TTN: variants seen among roughly 807,000 people sequenced by gnomAD.
TTN encodes connectin.
A neutral mutation model predicts 3,223.0 loss-of-function variants in TTN; 1,525 were observed. The ratio of observed to expected loss-of-function variants is 0.47; its 90% CI spans 0.45 to 0.49. The LOEUF (loss-of-function observed/expected upper bound fraction) is 0.49. TTN is among the 20% of genes least tolerant of loss of function. The pLI is 0.00. For missense variants in TTN, 40,786 were observed against 43,424.0 expected (o/e 0.94, Z 5.40); for synonymous variants, 14,094 against 15,161.0 (o/e 0.93, Z 5.17).
At chr2:178,745,604 G>T (rs142409197) in intron 47 of TTN, 1 of 1,612,600 alleles carries the variant, frequency 6.2e-7, no homozygotes, top group African/African-American at 1.3e-5. Context: ...GGTGAGTGCT[G>T]CAAAGCTCTC....
rs560562125 is a variant in TTN, at chr2:178,715,635, G to T, written c.25779C>A (p.Ser8593Arg). 6.2e-7 allele frequency: 1 copy of T among 1,613,462 alleles called. No homozygotes were observed. Among genetic ancestry groups the T allele is most frequent in the South Asian group, 1.1e-5 (1 of 91,036 alleles). The change falls in exon 89 of 363, where the codon AGC (serine) becomes AGA (arginine). Residue 8593 changes from serine to arginine, a missense_variant. Coordinates refer to ENST00000589042, the MANE Select transcript of TTN (RefSeq NM_001267550.2). ...CAACGAATGACATTCTGAATTTACT[G>T]CTCTCTTGAATTTCAGTCTCGTCCT... The part of the protein sequence containing the change: ...WYKDETEIQE[S>R]SKFRMSFVDS...
rs938020572 is a variant in TTN, at chr2:178,734,567, A to G, written c.15257T>C (p.Ile5086Thr). The change falls in exon 52 of 363, where the codon ATA (isoleucine) becomes ACA (threonine). Residue 5086 changes from isoleucine (I) to threonine (T), a missense_variant. Coordinates refer to ENST00000589042, the MANE Select transcript of TTN (RefSeq NM_001267550.2). ...SFIKTLEPADIVRGTNALLQC... is the reference protein window; with the variant it reads ...SFIKTLEPADTVRGTNALLQC... ...AAGTAGAGCATTTGTTCCTCTCACT[A>G]TGTCTGCAGGCTCAAGAGTTTTGAT... The G allele has an allele frequency of 1.3e-6, 2 of 1,594,558 alleles. No homozygotes were observed. Among genetic ancestry groups the G allele is most frequent in the Non-Finnish European group, 1.7e-6 (2 of 1,169,200 alleles).
In TTN at chr2:178,580,313, T is replaced by C. The variant is rs539161527; in HGVS notation, c.67057+9A>G. 49 of 1,609,862 alleles carry C rather than the reference T, an allele frequency of 3.0e-5. No individual in the cohort carries two copies. The East Asian group carries it at 1.1e-3, about 36-fold the overall frequency. On this transcript the variant is annotated intron_variant, in intron 317 of 362. Coordinates refer to ENST00000589042, the MANE Select transcript of TTN (RefSeq NM_001267550.2). ...AAATATATATGATTCTTTTTTGAAA[T>C]AGACTTACCAAGCACTTTCACAACA...
At chr2:178,543,804 T>G (rs761311320) in intron 346 of TTN, 30 bp downstream of exon 346, 1 of 1,609,732 alleles carries the variant, frequency 6.2e-7, no homozygotes, top group Admixed American at 1.7e-5. Flanking sequence ...ATCTACTCAT[T>G]GTATAGCCAA....
At position 178,560,337 on chromosome 2, in the gene TTN, G is replaced by T. The variant is rs755081931; in HGVS notation, c.85795C>A (p.Arg28599Ser). ...RREKNSLRWV[R>S]VNKKPVYDLR... ...TCATAAACTGGTTTTTTGTTTACAC[G>T]CACCCATCTTAGGCTATTTTTCTCT... The change falls in exon 326 of 363, where the codon CGT (arginine) becomes AGT (serine). Residue 28599 changes from arginine (R) to serine (S), a missense_variant. Arg to Ser is a moderately radical substitution (Grantham distance 110). Coordinates refer to ENST00000589042, the MANE Select transcript of TTN (RefSeq NM_001267550.2). The T allele has an allele frequency of 4.3e-6, 7 of 1,613,610 alleles. No homozygotes were observed. Among genetic ancestry groups the T allele is most frequent in the Non-Finnish European group, 5.9e-6 (7 of 1,179,756 alleles).
rs1220592626 is a variant in TTN, at chr2:178,544,123, G to T, written c.96029-8C>A. Reference sequence around the variant, plus strand: ...GCTCAAGATCTGGTATTTCTGGAAAGTTAATGACAAAATTTAATTAATTCA... The same window carrying T: ...GCTCAAGATCTGGTATTTCTGGAAATTTAATGACAAAATTTAATTAATTCA... On this transcript the variant is annotated splice_polypyrimidine_tract_variant and splice_region_variant and intron_variant, in intron 345 of 362. Transcript: ENST00000589042. 2.5e-6 allele frequency: 4 copies of T among 1,602,944 alleles called. No individual in the cohort carries two copies. In the South Asian group the frequency reaches 3.3e-5, roughly 13 times the overall value.
chr2:178,642,460 T>A (rs2061367480), intron 218 of TTN, 143 bp from the exon 219 acceptor site: 1 of 675,208 alleles, frequency 1.5e-6, no homozygotes, highest in African/African-American at 1.9e-5. Flanking sequence ...AGAATTTAAG[T>A]TTAAATGATA....
chr2:178,556,764 T>C (rs901713125), intron 330 of TTN, 84 bp downstream of exon 330: 11 of 1,487,852 alleles, frequency 7.4e-6, no homozygotes, highest in South Asian at 2.4e-5. Flanking sequence ...GTAAAAGTTA[T>C]TCTATAGGAT....
intron 9 of TTN, 103 bp downstream of exon 9, chr2:178,793,301 C>A (rs1172066758): frequency 3.3e-6 from 5 of 1,496,700 alleles, no homozygotes; most frequent in Non-Finnish European, 3.6e-6. Context: ...AGTATGCTAA[C>A]AACCATGTGG....
At position 178,535,540 on chromosome 2, in the gene TTN, G is replaced by C. The variant is rs755832382; in HGVS notation, c.101075C>G (p.Pro33692Arg). ...VELDVADVPD[P>R]PRGVKVSDVS... ...ATCACTAACTTTGACTCCTCTGGGTGGGTCAGGAACATCAGCCACATCCAG... is the reference window on the plus strand; with the variant it reads ...ATCACTAACTTTGACTCCTCTGGGTCGGTCAGGAACATCAGCCACATCCAG... The change falls in exon 358 of 363, where the codon CCA (proline) becomes CGA (arginine). Residue 33692 changes from proline to arginine, a missense_variant. Physicochemically the swap from Pro to Arg is moderately radical, Grantham distance 103. Coordinates refer to ENST00000589042, the MANE Select transcript of TTN (RefSeq NM_001267550.2). 1 of 1,613,828 alleles carries C rather than the reference G, an allele frequency of 6.2e-7. No homozygotes were observed. Among genetic ancestry groups the C allele is most frequent in the Middle Eastern group, 1.7e-4 (1 of 6,060 alleles).
At chr2:178,678,682 C>A in intron 143 of TTN, 65 bp downstream of exon 143, 1 of 1,459,372 alleles carries the variant, frequency 6.9e-7, no homozygotes, top group Non-Finnish European at 9.4e-7. Flanking sequence ...CAGAATTAAA[C>A]CAATTAATTT....
At chr2:178,637,161 A>C (rs1241109854) in intron 224 of TTN, among the ~76,000 whole-genome samples, 4 of 109,116 alleles carry the variant, frequency 3.7e-5, no homozygotes, top group African/African-American at 1.8e-4. Context: ...ATATATATAT[A>C]TATATATATA....
In TTN at chr2:178,531,060, G is replaced by A. The variant is rs2154133198; in HGVS notation, c.105555C>T (p.Thr35185=). 6.2e-7 allele frequency: 1 copy of A among 1,613,990 alleles called. No homozygotes were observed. Among genetic ancestry groups the A allele is most frequent in the Non-Finnish European group, 8.5e-7 (1 of 1,179,886 alleles). ...HQVTTTKYKS[T]FEISSVQASD... is the part of the protein sequence containing the mutation. ...AAGCCTGGACTGAAGAGATCTCAAA[G>A]GTTGATTTGTACTTTGTGGTGGTCA... Residue 35185 remains threonine (T), a synonymous_variant, in exon 358 of 363, where the codon ACC becomes ACT. Coordinates refer to ENST00000589042, the MANE Select transcript of TTN (RefSeq NM_001267550.2).
chr2:178,680,035 G>A lies in TTN; in HGVS notation c.33439C>T (p.Leu11147Phe), dbSNP rs2154270126. ...PVRVPEVPKE[L>F]EPEEVAFEEE... ...TCAAAGGCAACCTCTTCTGGTTCAA[G>A]TTCTTTAGGCACTTCTGGCACTTTA... Residue 11147 changes from leucine to phenylalanine, a missense_variant, in exon 140 of 363, where the codon CTT becomes TTT. Coordinates refer to ENST00000589042, the MANE Select transcript of TTN (RefSeq NM_001267550.2). 1.2e-6 allele frequency: 2 copies of A among 1,613,050 alleles called. No homozygotes were observed. The highest frequency in any genetic ancestry group is 1.7e-6 in the Non-Finnish European group (2 of 1,179,362).
chr2:178,587,469 A>G (rs1450223908), intron 306 of TTN, 47 bp downstream of exon 306: 2 of 1,603,096 alleles, frequency 1.2e-6, no homozygotes. Flanking sequence ...ATCCCTATTA[A>G]CAAATTCATT....
chr2:178,619,320 A>G (rs566606644), intron 250 of TTN: 9 of 456,276 alleles, frequency 2.0e-5, no homozygotes, highest in Admixed American at 8.2e-5. Flanking sequence ...GTAGGAGAGT[A>G]TAAGACCGTC....
chr2:178,715,114 A>G lies in TTN; in HGVS notation c.26072T>C (p.Ile8691Thr). Residue 8691 changes from isoleucine to threonine, a missense_variant, in exon 90 of 363, where the codon ATA (isoleucine) becomes ACA (threonine). Ile to Thr is a moderately conservative substitution (Grantham distance 89). Coordinates refer to ENST00000589042, the MANE Select transcript of TTN (RefSeq NM_001267550.2). Reference protein sequence around the residue: ...RELRSGKKYKIMSENFLTSIH... With the variant: ...RELRSGKKYKTMSENFLTSIH... ...ACTGGTTAGGAAGTTCTCAGACATT[A>G]TCTTGTACTTCTTGCCGCTCCTAAG... 1.9e-6 allele frequency: 3 copies of G among 1,613,760 alleles called. No homozygotes were observed. The highest frequency in any genetic ancestry group is 2.5e-6 in the Non-Finnish European group (3 of 1,179,726).
rs759893392 is a variant in TTN, at chr2:178,594,197, C to T, written c.58196G>A (p.Arg19399Gln). The T allele has an allele frequency of 3.8e-5, 62 of 1,613,170 alleles. No individual in the cohort carries two copies. The highest frequency in any genetic ancestry group is 4.7e-5 in the Non-Finnish European group (55 of 1,179,618). ...HLDFRDKLTI[R>Q]VGEAFALTGR... ...AGTGAGGGCAAAAGCTTCACCAACT[C>T]GAATCGTGAGCTTATCTCTGAAGTC... The change falls in exon 297 of 363, where the codon CGA becomes CAA. Residue 19399 changes from arginine (R) to glutamine (Q), a missense_variant. Physicochemically the swap from Arg to Gln is conservative, Grantham distance 43 (BLOSUM62 1). Coordinates refer to ENST00000589042, the MANE Select transcript of TTN (RefSeq NM_001267550.2).
At chr2:178,728,862 C>T in intron 65 of TTN, 29 bp downstream of exon 65, 1 of 1,575,884 alleles carries the variant, frequency 6.3e-7, no homozygotes, top group Non-Finnish European at 8.6e-7. Flanking sequence ...TCGCTATAGA[C>T]TATCTTTGAA....
Sources: allele counts gnomAD v4.1 joint callset (sites outside exome capture counted in the v4.1 genomes callset), GRCh38; gene constraint gnomAD v4.1.1; transcripts MANE v1.5; gene names NCBI Gene and HGNC (gene_info 2026-07-23, HGNC 2026-07-21).